CCDC91: variants seen among roughly 807,000 people sequenced by gnomAD.
The protein encoded by CCDC91 is coiled-coil domain-containing protein 91.
In CCDC91, 48 loss-of-function variants were observed where a neutral mutation model predicts 63.2. That is an observed-to-expected ratio of 0.76 (90% CI 0.60 to 0.97). CCDC91 has a LOEUF of 0.97. CCDC91 is among the 50% of genes least tolerant of loss of function. CCDC91 has a pLI of 0.00. For synonymous variants in CCDC91, 167 were observed against 165.8 expected (o/e 1.01, Z -0.06); for missense variants, 500 against 494.6 (o/e 1.01, Z -0.10).
rs563141998 is a variant in CCDC91, at chr12:28,378,913, T to G, written c.655-12391T>G. ...AGAATACTTCTGTGTGCCTCTGTGT[T>G]TCCTGGGCTTAGCCAGAACTTTGCA... On this transcript the variant is annotated intron_variant, in intron 7 of 12. Transcript: ENST00000536442. Among the ~76,000 whole-genome samples, 60 of 152,130 alleles carry G rather than the reference T, an allele frequency of 3.9e-4. No homozygotes were observed. The South Asian group carries it at 0.012, about 29-fold the overall frequency.
At chr12:28,349,051 A>T (rs891321229) in intron 6 of CCDC91, among the ~76,000 whole-genome samples, 6 of 152,134 alleles carry the variant, frequency 3.9e-5, no homozygotes, top group African/African-American at 1.4e-4. Flanking sequence ...ATATTTTTAT[A>T]TGAATTACTA....
At chr12:28,404,586 G>A (rs1946821351) in intron 8 of CCDC91, among the ~76,000 whole-genome samples, 1 of 151,858 alleles carries the variant, frequency 6.6e-6, no homozygotes, top group Non-Finnish European at 1.5e-5. Flanking sequence ...GAGAAGTGGG[G>A]GCAATTGAAG....
chr12:28,271,161 G>A (rs985397876), intron 3 of CCDC91, among the ~76,000 whole-genome samples: 7 of 152,064 alleles, frequency 4.6e-5, no homozygotes, highest in East Asian at 3.9e-4. Flanking sequence ...CAAGGCAAAC[G>A]CCTATGATGT....
intron 12 of CCDC91, among the ~76,000 whole-genome samples, chr12:28,486,735 A>G (rs1324072108): frequency 2.0e-5 from 3 of 152,112 alleles, no homozygotes; most frequent in Non-Finnish European, 2.9e-5. Flanking sequence ...TGCAAATCAT[A>G]CTAAAGGCCT....
At chr12:28,373,913 G>A (rs1180886607) in intron 7 of CCDC91, among the ~76,000 whole-genome samples, 1 of 152,012 alleles carries the variant, frequency 6.6e-6, no homozygotes, top group South Asian at 2.1e-4. Context: ...TCTCCGTCCC[G>A]CCACCCTATG....
chr12:28,270,446 C>T (rs1271178328), intron 3 of CCDC91, among the ~76,000 whole-genome samples: 1 of 152,038 alleles, frequency 6.6e-6, no homozygotes, highest in African/African-American at 2.4e-5. Flanking sequence ...ATGTGGCTGA[C>T]AATACAGCGT....
At chr12:28,200,735 T>C (rs568982059) in intron 1 of CCDC91, among the ~76,000 whole-genome samples, 36,131 of 147,788 alleles carry the variant, frequency 0.24, 4,067 homozygotes, top group Non-Finnish European at 0.29. Context: ...TTCCCCCCTT[T>C]CTATTCCACA....
At chr12:28,499,246 C>G (rs1297719558) in intron 12 of CCDC91, among the ~76,000 whole-genome samples, 1 of 151,632 alleles carries the variant, frequency 6.6e-6, no homozygotes, top group East Asian at 1.9e-4. Flanking sequence ...CACCCTGAGC[C>G]TGAGCAACTT....
intron 12 of CCDC91, among the ~76,000 whole-genome samples, chr12:28,527,088 G>A (rs1381721881): frequency 6.6e-6 from 1 of 152,000 alleles, no homozygotes. Context: ...ATAACTAACT[G>A]TCTGAATTCT....
chr12:28,549,144 A>C lies in CCDC91; in HGVS notation c.1297A>C (p.Ile433Leu), dbSNP rs770706852. The change falls in exon 13 of 13, where the codon ATA becomes CTA. Residue 433 changes from isoleucine (I) to leucine (L), a missense_variant. Physicochemically the swap from Ile to Leu is conservative, Grantham distance 5. Transcript: ENST00000536442. ...TGCACAGAAACAGTTAAGTGCTTTA[A>C]TAGCTACGGAACCAGTTGACATTGA... ...SCAQKQLSAL[I>L]ATEPVDIE The C allele has an allele frequency of 1.2e-6, 2 of 1,610,714 alleles. No individual in the cohort carries two copies. The highest frequency in any genetic ancestry group is 2.2e-5 in the South Asian group (2 of 91,006).
At chr12:28,371,130 C>G (rs1944593720) in intron 7 of CCDC91, among the ~76,000 whole-genome samples, 1 of 151,850 alleles carries the variant, frequency 6.6e-6, no homozygotes, top group African/African-American at 2.4e-5. Flanking sequence ...CACTCCCATT[C>G]TATTTTGGTG....
intron 3 of CCDC91, among the ~76,000 whole-genome samples, chr12:28,297,082 CA>C (rs1244235044): frequency 6.6e-6 from 1 of 151,798 alleles, no homozygotes; most frequent in Non-Finnish European, 1.5e-5. Flanking sequence ...AATTAAAGGT[CA>C]AAACTATTTT....
At chr12:28,520,839 C>T (rs570971080) in intron 12 of CCDC91, among the ~76,000 whole-genome samples, 1 of 152,126 alleles carries the variant, frequency 6.6e-6, no homozygotes, top group Non-Finnish European at 1.5e-5. Context: ...ATCGTTTCCC[C>T]ATTTCTTGTT....
At chr12:28,363,802 G>A (rs1944066342) in intron 7 of CCDC91, among the ~76,000 whole-genome samples, 2 of 150,070 alleles carry the variant, frequency 1.3e-5, no homozygotes, top group African/African-American at 2.4e-5. Context: ...GCATGAACCC[G>A]GGAGGCGGAG....
intron 1 of CCDC91, among the ~76,000 whole-genome samples, chr12:28,211,427 C>T (rs1943225410): frequency 6.6e-6 from 1 of 152,102 alleles, no homozygotes; most frequent in Non-Finnish European, 1.5e-5. Context: ...CTGCCTAGCA[C>T]CCAATATCAG....
chr12:28,303,218 C>T (rs540370809), intron 3 of CCDC91, among the ~76,000 whole-genome samples: 5 of 151,910 alleles, frequency 3.3e-5, no homozygotes, highest in Admixed American at 6.6e-5. Flanking sequence ...AAGATTGGGT[C>T]GAGGAAGAAG....
chr12:28,474,831 A>G (rs1477438962), intron 11 of CCDC91, among the ~76,000 whole-genome samples: 1 of 152,120 alleles, frequency 6.6e-6, no homozygotes, highest in Non-Finnish European at 1.5e-5. Flanking sequence ...CTCTCAGACG[A>G]CAGTGCAATC....
intron 12 of CCDC91, among the ~76,000 whole-genome samples, chr12:28,498,325 CTG>C (rs1952421903): frequency 6.6e-6 from 1 of 151,602 alleles, no homozygotes; most frequent in South Asian, 2.1e-4. Context: ...CAAAAGGAAA[CTG>C]TGATGGGCAC....
At chr12:28,414,331 T>TA (rs1348972453) in intron 8 of CCDC91, among the ~76,000 whole-genome samples, 1 of 151,942 alleles carries the variant, frequency 6.6e-6, no homozygotes, top group African/African-American at 2.4e-5. Context: ...GCCAAGCAAG[T>TA]AAAAAAAATT....
Sources: gnomAD v4.1 joint callset for allele counts (sites outside exome capture counted in the v4.1 genomes callset) on GRCh38, gnomAD v4.1.1 for gene constraint, MANE v1.5 for transcripts, NCBI Gene and HGNC (gene_info 2026-07-23, HGNC 2026-07-21) for gene names.